Variants in PRTG observed in about 807,000 individuals in gnomAD.
PRTG encodes the protein immunoglobulin superfamily, DCC subclass, member 5.
In PRTG, 67 loss-of-function variants were observed where a neutral mutation model predicts 122.5. The ratio of observed to expected loss-of-function variants is 0.55; its 90% CI spans 0.45 to 0.67. The LOEUF is 0.67. Ranked by LOEUF, PRTG falls within the 30% of genes least tolerant of loss-of-function variation. The probability of loss-of-function intolerance (pLI) is 0.00; values close to 1 mark genes in which losing one functional copy is unlikely to be tolerated. For missense variants in PRTG, 1,435 were observed against 1,415.4 expected (o/e 1.01, Z -0.22); for synonymous variants, 554 against 501.1 (o/e 1.11, Z -1.41).
intron 2 of PRTG, among the ~76,000 whole-genome samples, chr15:55,689,653 C>T (rs975946876): frequency 2.0e-5 from 3 of 149,510 alleles, no homozygotes; most frequent in African/African-American, 4.9e-5. Context: ...AAAGGCCAGG[C>T]GCAGTGGCTC....
At chr15:55,626,736 C>T (rs1012507953) in intron 17 of PRTG, among the ~76,000 whole-genome samples, 15 of 151,160 alleles carry the variant, frequency 9.9e-5, no homozygotes, top group African/African-American at 2.7e-4. Context: ...CCAGCCTGGG[C>T]GACAGTGTGA....
intron 2 of PRTG, among the ~76,000 whole-genome samples, chr15:55,728,054 C>T (rs1306668493): frequency 1.3e-5 from 2 of 151,906 alleles, no homozygotes; most frequent in African/African-American, 2.4e-5. Flanking sequence ...TTAGTAGAGA[C>T]GGGGTCTCAC....
intron 2 of PRTG, among the ~76,000 whole-genome samples, chr15:55,719,957 G>A (rs1595675401): frequency 1.3e-5 from 2 of 152,028 alleles, no homozygotes; most frequent in African/African-American, 4.8e-5. Flanking sequence ...CTACTCAGGA[G>A]GCTGAGGCAA....
chr15:55,737,998 C>CTT (rs2031470877), intron 2 of PRTG, among the ~76,000 whole-genome samples: 1 of 65,308 alleles, frequency 1.5e-5, no homozygotes. Flanking sequence ...CTCTCTCTCT[C>CTT]TCTCTATATA....
At chr15:55,644,005 C>G (rs1299608537) in intron 11 of PRTG, among the ~76,000 whole-genome samples, 4 of 151,982 alleles carry the variant, frequency 2.6e-5, no homozygotes, top group Non-Finnish European at 4.4e-5. Flanking sequence ...GCTGGGACTG[C>G]AGGCACACAC....
intron 15 of PRTG, 86 bp downstream of exon 15, chr15:55,637,084 A>T: frequency 8.6e-7 from 1 of 1,164,586 alleles, no homozygotes; most frequent in Non-Finnish European, 1.2e-6. Context: ...GTAAATTCAA[A>T]ATAAACTCTA....
At chr15:55,701,153 C>T (rs373874956) in intron 2 of PRTG, among the ~76,000 whole-genome samples, 1 of 152,212 alleles carries the variant, frequency 6.6e-6, no homozygotes, top group East Asian at 1.9e-4. Context: ...GTACCTGGAA[C>T]TCTGATACAT....
intron 11 of PRTG, among the ~76,000 whole-genome samples, chr15:55,647,811 T>A (rs1489218858): frequency 6.6e-6 from 1 of 152,226 alleles, no homozygotes; most frequent in African/African-American, 2.4e-5. Context: ...GAGAACAGAA[T>A]ATCCGCAAAT....
In PRTG at chr15:55,743,078, T is replaced by C. The variant is rs2031673326; in HGVS notation, c.-147A>G. The C allele has an allele frequency of 1.6e-6, 2 of 1,289,650 alleles. No individual in the cohort carries two copies. Among genetic ancestry groups the C allele is most frequent in the South Asian group, 2.5e-5 (1 of 39,860 alleles). 79.9% of individuals were successfully genotyped at this position (1,289,650 alleles called of 1,614,324 possible). A position where few individuals can be genotyped will look rare whatever the true frequency, so the allele number is the denominator to read the frequency against. On this transcript the variant is annotated 5_prime_UTR_variant, in exon 1 of 20. Coordinates refer to ENST00000389286, the MANE Select transcript of PRTG (RefSeq NM_173814.6). ...CCGGCACCGGCGTGGCGAGCGTCTC[T>C]GCGGCGGCGAGGCTGGTGCTCGGAC...
At chr15:55,670,527 A>G (rs561549274) in intron 11 of PRTG, among the ~76,000 whole-genome samples, 1 of 152,356 alleles carries the variant, frequency 6.6e-6, no homozygotes, top group South Asian at 2.1e-4. Context: ...CTTCAGTGGC[A>G]GTAGGTTGGG....
At chr15:55,732,983 G>A (rs569531955) in intron 2 of PRTG, among the ~76,000 whole-genome samples, 5 of 151,624 alleles carry the variant, frequency 3.3e-5, no homozygotes, top group African/African-American at 9.7e-5. Context: ...AGGCTGAGGC[G>A]GGCAGACCAC....
At chr15:55,703,526 G>C (rs563195416) in intron 2 of PRTG, among the ~76,000 whole-genome samples, 7 of 152,150 alleles carry the variant, frequency 4.6e-5, no homozygotes, top group Admixed American at 1.3e-4. Context: ...AGTCTGTGTT[G>C]GTAGGAATTT....
At chr15:55,674,043 T>G (rs6493805) in intron 9 of PRTG, among the ~76,000 whole-genome samples, 121,278 of 152,164 alleles carry the variant, frequency 0.8, 48,974 homozygotes, top group Non-Finnish European at 0.85. Flanking sequence ...GGAAGCCTAG[T>G]ATTCTACAGT....
At chr15:55,682,287 T>C (rs967497315) in intron 4 of PRTG, 77 bp downstream of exon 4, 11 of 1,209,392 alleles carry the variant, frequency 9.1e-6, no homozygotes, top group Non-Finnish European at 1.2e-5. Flanking sequence ...TATGGCACAT[T>C]ATTACAGCAG....
intron 2 of PRTG, among the ~76,000 whole-genome samples, chr15:55,690,523 A>G (rs1277204227): frequency 3.3e-5 from 5 of 152,256 alleles, no homozygotes; most frequent in African/African-American, 1.2e-4. Flanking sequence ...CCAAATTCAA[A>G]AATCCAAAAT....
Position 55,683,939 on chromosome 15 carries a change from A to G in PRTG, c.398-8T>C, listed in dbSNP as rs1002096247. On this transcript the variant is annotated splice_region_variant and splice_polypyrimidine_tract_variant and intron_variant, in intron 2 of 19. Transcript: ENST00000389286. ...CTTCAAATGCAGAAATAGCTATAAGATAAAGTTTGAGAAATTCAGAATAAG... is the reference window on the plus strand; with the variant it reads ...CTTCAAATGCAGAAATAGCTATAAGGTAAAGTTTGAGAAATTCAGAATAAG... 6 of 1,610,902 alleles carry G rather than the reference A, an allele frequency of 3.7e-6. No homozygotes were observed. The African/African-American group carries it at 6.7e-5, about 18-fold the overall frequency.
intron 2 of PRTG, among the ~76,000 whole-genome samples, chr15:55,717,540 G>A (rs899393995): frequency 4.6e-5 from 7 of 152,204 alleles, no homozygotes; most frequent in Admixed American, 4.6e-4. Context: ...GTGCTATGGT[G>A]CTGAAGAAAC....
In PRTG at chr15:55,728,574, G is replaced by C. The variant is rs373205872; in HGVS notation, c.397+11808C>G. On this transcript the variant is annotated intron_variant, in intron 2 of 19. Coordinates refer to ENST00000389286, the MANE Select transcript of PRTG (RefSeq NM_173814.6). ...TACACCTTCATAATATAAATACTTA[G>C]AAAACTAGGAAGAGAAGGAAAATTT... is the stretch of plus-strand genomic sequence containing the variant. 2.4e-4 allele frequency among the ~76,000 whole-genome samples: 36 copies of C among 152,190 alleles called. No homozygotes were observed. The East Asian group carries it at 6.4e-3, about 27-fold the overall frequency.
intron 18 of PRTG, among the ~76,000 whole-genome samples, chr15:55,622,488 A>C (rs1427343501): frequency 3.4e-5 from 5 of 149,080 alleles, no homozygotes; most frequent in Admixed American, 6.7e-5. Context: ...GGTTCACACC[A>C]TTCTTCTGCC....
Sources: allele counts gnomAD v4.1 joint callset (sites outside exome capture counted in the v4.1 genomes callset), GRCh38; gene constraint gnomAD v4.1.1; transcripts MANE v1.5; gene names NCBI Gene and HGNC (gene_info 2026-07-23, HGNC 2026-07-21).